Variants in ZNF142 observed in about 807,000 individuals in gnomAD.
ZNF142 encodes the protein zinc finger protein 142 (clone pHZ-49).
A neutral mutation model predicts 132.1 loss-of-function variants in ZNF142; 96 were observed. The ratio of observed to expected loss-of-function variants is 0.73; its 90% CI spans 0.62 to 0.86. The LOEUF is 0.86. Ranked by LOEUF, ZNF142 falls within the 40% of genes least tolerant of loss-of-function variation. The pLI, the probability that ZNF142 is intolerant of heterozygous loss-of-function variation, is 0.00. For missense variants in ZNF142, 2,163 were observed against 2,336.2 expected (o/e 0.93, Z 1.53); for synonymous variants, 842 against 890.1 (o/e 0.95, Z 0.96).
Position 218,642,744 on chromosome 2 carries a change from A to G in ZNF142, c.4372T>C (p.Phe1458Leu). Reference protein sequence around the residue: ...LRVHDKTPTHFCPLCDYSGYL... With the variant: ...LRVHDKTPTHLCPLCDYSGYL... ...CCACTATAGTCACAAAGTGGACAGAAGTGGGTAGGTGTTTTGTCATGTACC... is the reference window on the plus strand; with the variant it reads ...CCACTATAGTCACAAAGTGGACAGAGGTGGGTAGGTGTTTTGTCATGTACC... Residue 1458 changes from phenylalanine (F) to leucine (L), a missense_variant, in exon 9 of 11, where the codon TTC (phenylalanine) becomes CTC (leucine). By Grantham distance (22) the Phe-to-Leu change is conservative (BLOSUM62 0). Around this residue, in one of 7 missense-constraint regions of ZNF142, gnomAD observed 809 missense variants for 801.7 expected, o/e 1.01. Transcript: ENST00000411696. This position sits in a 1 kb window ranked among gnomAD's most constrained non-coding sequence, Gnocchi z 4.6. 6.2e-7 allele frequency: 1 copy of G among 1,614,176 alleles called. No homozygotes were observed. Among genetic ancestry groups the G allele is most frequent in the Non-Finnish European group, 8.5e-7 (1 of 1,180,022 alleles).
At position 218,649,009 on chromosome 2, in the gene ZNF142, C is replaced by T. The variant is rs767653049; in HGVS notation, c.1499G>A (p.Arg500His). ...QEGCSYAAPD[R>H]KAFIKHLKET... ...CTTCAGGTGCTTAATGAAGGCCTTG[C>T]GGTCGGGTGCTGCATAGCTGCAGCC... The change falls in exon 7 of 11, where the codon CGC becomes CAC. Residue 500 changes from arginine to histidine, a missense_variant. Transcript: ENST00000411696. 12 of 1,612,148 alleles carry T rather than the reference C, an allele frequency of 7.4e-6. No individual in the cohort carries two copies. Among genetic ancestry groups the T allele is most frequent in the South Asian group, 3.3e-5 (3 of 91,094 alleles).
rs139412557 is a variant in ZNF142 at position 218,648,790 on chromosome 2, C to T, written c.1718G>A (p.Arg573His). 570 of 1,614,174 alleles carry T rather than the reference C, an allele frequency of 3.5e-4. No individual in the cohort carries two copies. Among genetic ancestry groups the T allele is most frequent in the Non-Finnish European group, 4.5e-4 (530 of 1,180,004 alleles). Reference protein sequence around the residue: ...KQGHPGSEELRCTFCPFATFN... With the variant: ...KQGHPGSEELHCTFCPFATFN... Reference sequence around the variant, plus strand: ...GGTGGCAAAGGGGCAGAAGGTGCAGCGCAGCTCTTCACTGCCAGGGTGGCC... The same window carrying T: ...GGTGGCAAAGGGGCAGAAGGTGCAGTGCAGCTCTTCACTGCCAGGGTGGCC... The change falls in exon 7 of 11, where the codon CGC (arginine) becomes CAC (histidine). Residue 573 changes from arginine to histidine, a missense_variant. Around this residue, in one of 7 missense-constraint regions of ZNF142, gnomAD observed 749 missense variants for 830.3 expected, o/e 0.90. Transcript: ENST00000411696.
chr2:218,642,507 A>G lies in ZNF142; in HGVS notation c.4609T>C (p.Cys1537Arg). Residue 1537 changes from cysteine to arginine, a missense_variant, in exon 9 of 11, where the codon TGC becomes CGC. Around this residue, in one of 7 missense-constraint regions of ZNF142, gnomAD observed 809 missense variants for 801.7 expected, o/e 1.01. Transcript: ENST00000411696. This position sits in a 1 kb window ranked among gnomAD's most constrained non-coding sequence, Gnocchi z 4.6. ...CCTCGTAAGCTGGCAGGGCTGGGGC[A>G]CAGCAACCCACAGCGGGAACAGTGC... ...PLHCSRCGLL[C>R]PSPASLRGHT... The G allele has an allele frequency of 6.2e-7, 1 of 1,607,070 alleles. No homozygotes were observed.
rs760170125 is a variant in ZNF142, at chr2:218,636,863, C to T, written c.*1476G>A. ...TCCCTTCTTCCTCTTGCTGTAGGCT[C>T]AATCCCATACCGACATCTACAACTA... On this transcript the variant is annotated 3_prime_UTR_variant, in exon 11 of 11. Coordinates refer to ENST00000411696, the MANE Select transcript of ZNF142 (RefSeq NM_001379659.1). 1 of 510,748 alleles carries T rather than the reference C, an allele frequency of 2.0e-6. No homozygotes were observed. The highest frequency in any genetic ancestry group is 3.0e-4 in the Middle Eastern group (1 of 3,358). The allele number at this position is 510,748 out of a possible 1,614,324, so 31.6% of individuals were successfully genotyped here.
At chr2:218,640,821 G>T in intron 9 of ZNF142, 52 bp from the exon 10 acceptor site, 1 of 1,418,312 alleles carries the variant, frequency 7.1e-7, no homozygotes, top group Non-Finnish European at 9.9e-7. Context: ...CTCAATAAAT[G>T]TTAGCTGTTA....
Position 218,652,021 on chromosome 2 carries a change from C to T in ZNF142, c.560G>A (p.Arg187Gln), listed in dbSNP as rs748814668. The change falls in exon 5 of 11, where the codon CGG (arginine) becomes CAG (glutamine). Residue 187 changes from arginine (R) to glutamine (Q), a missense_variant. This residue lies in a region of ZNF142 where 195 missense variants were observed against 172.4 expected (regional missense o/e 1.13). Transcript: ENST00000411696. ...GCAGGAGAAGGTGTCAGGAGTGCCC[C>T]GGTGAATCTTGAAGTGGCTCTTCAG... Reference protein sequence around the residue: ...QALKSHFKIHRGTPDTFSCPE... With the variant: ...QALKSHFKIHQGTPDTFSCPE... 2.8e-5 allele frequency: 16 copies of T among 562,162 alleles called. 1 individual carries two copies. Among genetic ancestry groups the T allele is most frequent in the East Asian group, 1.3e-4 (2 of 14,842 alleles). The allele number at this position is 562,162 out of a possible 1,614,324, so 34.8% of individuals were successfully genotyped here. A position where few individuals can be genotyped will look rare whatever the true frequency, so the allele number is the denominator to read the frequency against.
chr2:218,654,807 G>C (rs1938336867), intron 4 of ZNF142, among the ~76,000 whole-genome samples: 1 of 151,992 alleles, frequency 6.6e-6, no homozygotes, highest in Non-Finnish European at 1.5e-5. Context: ...GGTTTCTGCT[G>C]GGTGCGATGG....
rs375255412 is a variant in ZNF142 at position 218,649,118 on chromosome 2, G to C, written c.1390C>G (p.Leu464Val). 5.6e-6 allele frequency: 9 copies of C among 1,614,006 alleles called. No homozygotes were observed. Among genetic ancestry groups the C allele is most frequent in the Non-Finnish European group, 7.6e-6 (9 of 1,180,056 alleles). The change falls in exon 7 of 11, where the codon CTC becomes GTC. Residue 464 changes from leucine (L) to valine (V), a missense_variant. Leu to Val is a conservative substitution (Grantham distance 32). This residue lies in a region of ZNF142 where 749 missense variants were observed against 830.3 expected (regional missense o/e 0.90). Coordinates refer to ENST00000411696, the MANE Select transcript of ZNF142 (RefSeq NM_001379659.1). ...ACPVCREEFR[L>V]SQALKEHLKS... is the part of the protein sequence containing the mutation. ...AGGTGCTCCTTTAGGGCCTGGCTGA[G>C]GCGGAATTCCTCACGGCAGACAGGA...
Position 218,650,359 on chromosome 2 carries a change from C to A in ZNF142, c.1048G>T (p.Gly350Trp). 6.2e-7 allele frequency: 1 copy of A among 1,614,162 alleles called. No individual in the cohort carries two copies. Among genetic ancestry groups the A allele is most frequent in the South Asian group, 1.1e-5 (1 of 91,078 alleles). Residue 350 changes from glycine (G) to tryptophan (W), a missense_variant and splice_region_variant, in exon 6 of 11, where the codon GGG (glycine) becomes TGG (tryptophan). Physicochemically the swap from Gly to Trp is radical, Grantham distance 184. Coordinates refer to ENST00000411696, the MANE Select transcript of ZNF142 (RefSeq NM_001379659.1). ...GCTTCAAGCCTCAGAATGTCATTAC[C>A]TTCCAGCCGCTGAGCCCCTTGGCCT... ...DKGQGAQRLE[G>W]DVVSGTESLF...
rs770804009 is a variant in ZNF142 at position 218,642,666 on chromosome 2, G to C, written c.4450C>G (p.Pro1484Ala). The change falls in exon 9 of 11, where the codon CCA becomes GCA. Residue 1484 changes from proline to alanine, a missense_variant. Coordinates refer to ENST00000411696, the MANE Select transcript of ZNF142 (RefSeq NM_001379659.1). The surrounding 1 kb of genome is among the most constrained non-coding windows in gnomAD (Gnocchi z 4.6). ...TCACACTGGGAGCAGGCAAAGGCTG[G>C]GGTGCCTTGGTGGCAGCTGTTGACA... ...RHVNSCHQGTPAFACSQCEAQ... is the reference protein window; with the variant it reads ...RHVNSCHQGTAAFACSQCEAQ... The C allele has an allele frequency of 6.2e-6, 10 of 1,614,028 alleles. No homozygotes were observed. The South Asian group carries it at 1.1e-4, about 18-fold the overall frequency.
rs1269391636 is a variant in ZNF142 at position 218,633,647 on chromosome 2, A to G, written c.*4692T>C. 12 of 1,613,338 alleles carry G rather than the reference A, an allele frequency of 7.4e-6. No individual in the cohort carries two copies. Among genetic ancestry groups the G allele is most frequent in the Non-Finnish European group, 9.3e-6 (11 of 1,179,450 alleles). On this transcript the variant is annotated 3_prime_UTR_variant, in exon 11 of 11. Transcript: ENST00000411696. ...GTGTCCAGCCCTCTCTTCCCTGGTT[A>G]TCTACTTGAAGTCTGTCTCATTCCG...
chr2:218,646,709 C>T (rs971781916), intron 7 of ZNF142, among the ~76,000 whole-genome samples: 13 of 152,154 alleles, frequency 8.5e-5, no homozygotes, highest in African/African-American at 2.2e-4. Flanking sequence ...CTTAGCCTCT[C>T]GAGTAGCTGG....
In ZNF142 at chr2:218,637,380, T is replaced by C. The variant is rs1003296643; in HGVS notation, c.*959A>G. 3.9e-5 allele frequency among the ~76,000 whole-genome samples: 6 copies of C among 152,184 alleles called. No homozygotes were observed. Among genetic ancestry groups the C allele is most frequent in the African/African-American group, 1.4e-4 (6 of 41,436 alleles). ...GACAAAAGGTTATGTGGTCCCAGCC[T>C]TCCTGAAGAGTCTGGCTGGAACCAT... On this transcript the variant is annotated 3_prime_UTR_variant, in exon 11 of 11. Transcript: ENST00000411696.
intron 5 of ZNF142, among the ~76,000 whole-genome samples, chr2:218,650,992 T>A (rs1236176970): frequency 6.6e-6 from 1 of 151,006 alleles, no homozygotes; most frequent in Non-Finnish European, 1.5e-5. Flanking sequence ...TACTTCTTTT[T>A]TTTTTTTTTT....
rs1158411962 is a variant in ZNF142, at chr2:218,643,852, C to G, written c.3264G>C (p.Lys1088Asn). Residue 1088 changes from lysine to asparagine, a missense_variant, in exon 9 of 11, where the codon AAG becomes AAC. Coordinates refer to ENST00000411696, the MANE Select transcript of ZNF142 (RefSeq NM_001379659.1). ...TGTTCTTTCTGAGTAGAACAGGGCA[C>G]TTCTTCAGCAGGTGGGTGCTGAGGC... ...QRGLSTHLLK[K>N]CPVLLRKNKG... 6.2e-7 allele frequency: 1 copy of G among 1,613,980 alleles called. No individual in the cohort carries two copies. The highest frequency in any genetic ancestry group is 1.3e-5 in the African/African-American group (1 of 74,930).
chr2:218,640,061 CAAAAAAAAAAAAAAAA>C (rs35136548), intron 10 of ZNF142, among the ~76,000 whole-genome samples: 1 of 44,316 alleles, frequency 2.3e-5, no homozygotes, highest in Non-Finnish European at 3.6e-5. Flanking sequence ...GACTCTGTCT[CAAAAAAAAAAAAAAAA>C]AAAAAAAAAA....
Position 218,642,258 on chromosome 2 carries a change from C to A in ZNF142, c.4858G>T (p.Gly1620Cys). 7 of 1,614,154 alleles carry A rather than the reference C, an allele frequency of 4.3e-6. No homozygotes were observed. The highest frequency in any genetic ancestry group is 5.9e-6 in the Non-Finnish European group (7 of 1,180,048). Reference sequence around the variant, plus strand: ...AAGGGGCAGTGTAGCGGGGGCTGGCCAGCATCCCCATCCCCATCTGAGGCT... The same window carrying A: ...AAGGGGCAGTGTAGCGGGGGCTGGCAAGCATCCCCATCCCCATCTGAGGCT... Reference protein sequence around the residue: ...VAASDGDGDAGQPPLHCPFCD... With the variant: ...VAASDGDGDACQPPLHCPFCD... Residue 1620 changes from glycine (G) to cysteine (C), a missense_variant, in exon 9 of 11, where the codon GGC becomes TGC. Coordinates refer to ENST00000411696, the MANE Select transcript of ZNF142 (RefSeq NM_001379659.1). The surrounding 1 kb of genome is among the most constrained non-coding windows in gnomAD (Gnocchi z 4.6).
chr2:218,644,292 A>G lies in ZNF142; in HGVS notation c.2824T>C (p.Phe942Leu). Residue 942 changes from phenylalanine (F) to leucine (L), a missense_variant, in exon 9 of 11, where the codon TTT (phenylalanine) becomes CTT (leucine). Around this residue, in one of 7 missense-constraint regions of ZNF142, gnomAD observed 749 missense variants for 830.3 expected, o/e 0.90. Transcript: ENST00000411696. This position sits in a 1 kb window ranked among gnomAD's most constrained non-coding sequence, Gnocchi z 4.6. ...AAGTCAGAAGTCCCAATACCTTCAA[A>G]GCTAGATAGCTCTGGTCCTTCCAGT... The part of the protein sequence containing the change: ...DGLEGPELSS[F>L]EGIGTSDLSA... The G allele has an allele frequency of 6.2e-7, 1 of 1,614,132 alleles. No homozygotes were observed.
intron 3 of ZNF142, among the ~76,000 whole-genome samples, chr2:218,657,190 T>A (rs908329621): frequency 1.3e-5 from 2 of 152,164 alleles, no homozygotes; most frequent in Non-Finnish European, 2.9e-5. Context: ...TCCTTCATCA[T>A]CTGGCTCCTG....
Sources: allele counts gnomAD v4.1 joint callset (sites outside exome capture counted in the v4.1 genomes callset), GRCh38; gene constraint gnomAD v4.1.1; regional missense constraint gnomAD v4.1.1; non-coding constraint Gnocchi (gnomAD v3.1); transcripts MANE v1.5; gene names NCBI Gene and HGNC (gene_info 2026-07-23, HGNC 2026-07-21).